The following FARP2 variants were observed in gnomAD, a reference collection of about 807,000 sequenced individuals.
FARP2 encodes the protein FERM, ARH/RhoGEF and pleckstrin domain protein 2.
FARP2 carries 111 observed loss-of-function variants against 130.5 expected under a neutral mutation model. That is an observed-to-expected ratio of 0.85 (90% CI 0.73 to 1.00). The LOEUF (loss-of-function observed/expected upper bound fraction) is 1.00. Among genes scored for constraint, FARP2 ranks in the 50% least tolerant of loss-of-function variants. The probability of loss-of-function intolerance (pLI) is 0.00; values close to 1 mark genes in which losing one functional copy is unlikely to be tolerated. For missense variants in FARP2, 1,385 were observed against 1,346.3 expected, an observed-to-expected ratio of 1.03 and a Z score of -0.45; for synonymous variants, 504 against 516.9, an observed-to-expected ratio of 0.98 and a Z score of 0.34.
At position 241,482,849 on chromosome 2, in the gene FARP2, C is replaced by G. The variant is rs968141506; in HGVS notation, c.2263-616C>G. ...AGGACTCTCGCTTACCCTATCTGCG[C>G]AGGTGTCTGATACTGGCAGGATTCT... On this transcript the variant is annotated intron_variant, in intron 19 of 26. Coordinates refer to ENST00000264042, the MANE Select transcript of FARP2 (RefSeq NM_014808.4). The surrounding 1 kb of genome is among the most constrained non-coding windows in gnomAD (Gnocchi z 4.6). Among the ~76,000 whole-genome samples, 4 of 152,164 alleles carry G rather than the reference C, an allele frequency of 2.6e-5. No homozygotes were observed. Among genetic ancestry groups the G allele is most frequent in the Non-Finnish European group, 4.4e-5 (3 of 68,028 alleles).
chr2:241,459,010 G>C lies in FARP2; in HGVS notation c.1587+2088G>C, dbSNP rs1178953682. Among the ~76,000 whole-genome samples the C allele has an allele frequency of 6.6e-6, 1 of 152,264 alleles. No individual in the cohort carries two copies. The highest frequency in any genetic ancestry group is 1.5e-5 in the Non-Finnish European group (1 of 68,046). The stretch of plus-strand genomic sequence containing the variant: ...CAGCCCCTGCGTGTGGGCACCCTCA[G>C]CCCTGACGTGGTGTCTCCTGTTGCC... On this transcript the variant is annotated intron_variant, in intron 14 of 26. Coordinates refer to ENST00000264042, the MANE Select transcript of FARP2 (RefSeq NM_014808.4). This position sits in a 1 kb window ranked among gnomAD's most constrained non-coding sequence, Gnocchi z 5.3.
At chr2:241,484,145 C>CTGATGTCCACA (rs2064695177) in intron 20 of FARP2, 97 bp from the exon 21 acceptor site, 1 of 1,571,442 alleles carries the variant, frequency 6.4e-7, no homozygotes, top group Admixed American at 1.8e-5. Flanking sequence ...CTGCACAGAT[C>CTGATGTCCACA]TGATGTCCAC....
Position 241,361,746 on chromosome 2 carries a change from G to T in FARP2, c.-25+5358G>T, listed in dbSNP as rs1399048790. Among the ~76,000 whole-genome samples, 5 of 152,212 alleles carry T rather than the reference G, an allele frequency of 3.3e-5. No homozygotes were observed. The South Asian group carries it at 8.3e-4, about 25-fold the overall frequency. On this transcript the variant is annotated intron_variant, in intron 1 of 26. Transcript: ENST00000264042. ...TGGCTTGATGCCAGATAACCCAGTAGGGGAATGTGAGGTGAAGGTGCTAAG... is the reference window on the plus strand; with the variant it reads ...TGGCTTGATGCCAGATAACCCAGTATGGGAATGTGAGGTGAAGGTGCTAAG...
chr2:241,425,037 C>T (rs2062897285), intron 8 of FARP2, among the ~76,000 whole-genome samples: 2 of 152,220 alleles, frequency 1.3e-5, no homozygotes, highest in African/African-American at 4.8e-5. Flanking sequence ...TGGTAAAACC[C>T]TGTCTCTACT....
intron 2 of FARP2, among the ~76,000 whole-genome samples, chr2:241,380,548 A>G (rs1300505262): frequency 6.6e-6 from 1 of 152,072 alleles, no homozygotes; most frequent in African/African-American, 2.4e-5. Context: ...TATTTGCATT[A>G]TGCTTATTAG....
rs1487341720 is a variant in FARP2, at chr2:241,420,028, G to A, written c.771+1919G>A. Among the ~76,000 whole-genome samples the A allele has an allele frequency of 3.3e-5, 5 of 152,258 alleles. No homozygotes were observed. In the East Asian group the frequency reaches 9.6e-4, roughly 29 times the overall value. On this transcript the variant is annotated intron_variant, in intron 8 of 26. Transcript: ENST00000264042. Reference sequence around the variant, plus strand: ...TCATTGGGTGTAGTGGCATGTACCTGTAGTCCCAGCTACTCAGGAGGCTGA... The same window carrying A: ...TCATTGGGTGTAGTGGCATGTACCTATAGTCCCAGCTACTCAGGAGGCTGA...
chr2:241,391,171 T>C (rs2061895703), intron 2 of FARP2, among the ~76,000 whole-genome samples: 1 of 152,218 alleles, frequency 6.6e-6, no homozygotes, highest in Non-Finnish European at 1.5e-5. Context: ...TTGAGAGATC[T>C]TACTGCTGAA....
chr2:241,458,162 C>T (rs2063914067), intron 14 of FARP2, among the ~76,000 whole-genome samples: 1 of 152,010 alleles, frequency 6.6e-6, no homozygotes, highest in Non-Finnish European at 1.5e-5. Flanking sequence ...CAGATGGACC[C>T]TAAAAGAAAA....
In FARP2 at chr2:241,428,217, A is replaced by T. The variant is rs188740246; in HGVS notation, c.772-3462A>T. On this transcript the variant is annotated intron_variant, in intron 8 of 26. Transcript: ENST00000264042. ...CAGAAATTTTGAGAATGTAGTTGAA[A>T]ATCCTCCAATATTTTACTTTTTTTT... is the stretch of plus-strand genomic sequence containing the variant. Among the ~76,000 whole-genome samples, 74 of 149,506 alleles carry T rather than the reference A, an allele frequency of 4.9e-4. 1 individual carries two copies. In the East Asian group the frequency reaches 0.014, roughly 28 times the overall value.
intron 2 of FARP2, among the ~76,000 whole-genome samples, chr2:241,392,322 G>C (rs959567696): frequency 2.0e-5 from 3 of 152,214 alleles, no homozygotes; most frequent in African/African-American, 7.2e-5. Flanking sequence ...TAAAAGGAAT[G>C]TCTACAGGGT....
intron 2 of FARP2, chr2:241,396,023 A>C (rs181122743): frequency 6.6e-5 from 10 of 152,292 alleles, no homozygotes; most frequent in African/African-American, 2.4e-4. Flanking sequence ...AAAAAATTAA[A>C]CTAGAGTGAT....
chr2:241,373,078 T>G lies in FARP2; in HGVS notation c.-24-6T>G. 2 of 1,126,664 alleles carry G rather than the reference T, an allele frequency of 1.8e-6. No homozygotes were observed. Among genetic ancestry groups the G allele is most frequent in the Non-Finnish European group, 2.4e-6 (2 of 843,580 alleles). 69.8% of individuals were successfully genotyped at this position (1,126,664 alleles called of 1,614,324 possible). ...CTTCATGTGGTTTTTTTTTTTTTCA[T>G]TTTAGTGTTTTCTTCACTCATGGTG... On this transcript the variant is annotated splice_polypyrimidine_tract_variant and splice_region_variant and intron_variant, in intron 1 of 26. Coordinates refer to ENST00000264042, the MANE Select transcript of FARP2 (RefSeq NM_014808.4).
rs181953328 is a variant in FARP2 at position 241,387,575 on chromosome 2, C to T, written c.183+14285C>T. Among the ~76,000 whole-genome samples the T allele has an allele frequency of 1.4e-4, 21 of 152,074 alleles. 2 individuals carry two copies. The highest frequency in any genetic ancestry group is 3.9e-4 in the Admixed American group (6 of 15,264). ...TTGGGAGGCTGAGGTGGGCTGATCA[C>T]GAGGTCAGGAGATCGAGACCATCCT... On this transcript the variant is annotated intron_variant, in intron 2 of 26. Transcript: ENST00000264042.
At chr2:241,472,180 T>G (rs1299010600) in intron 18 of FARP2, among the ~76,000 whole-genome samples, 2 of 150,118 alleles carry the variant, frequency 1.3e-5, no homozygotes, top group Admixed American at 6.6e-5. Context: ...GGGATCCTGT[T>G]CTGAGGGGGA....
intron 2 of FARP2, among the ~76,000 whole-genome samples, chr2:241,394,285 G>A (rs1057157480): frequency 2.0e-5 from 3 of 152,144 alleles, no homozygotes; most frequent in Non-Finnish European, 4.4e-5. Context: ...TTGGGAGGCC[G>A]AGGCAGGCTG....
intron 1 of FARP2, among the ~76,000 whole-genome samples, chr2:241,364,478 G>A (rs1468918999): frequency 2.0e-5 from 3 of 152,220 alleles, no homozygotes; most frequent in Admixed American, 6.5e-5. Flanking sequence ...GACACTGTGA[G>A]ATAATAAAAG....
In FARP2 at chr2:241,475,988, G is replaced by T. The variant is rs757407843; in HGVS notation, c.2262+1G>T. The T allele has an allele frequency of 6.2e-7, 1 of 1,608,576 alleles. No individual in the cohort carries two copies. The highest frequency in any genetic ancestry group is 8.5e-7 in the Non-Finnish European group (1 of 1,177,970). On this transcript the variant is annotated splice_donor_variant, in intron 19 of 26. Transcript: ENST00000264042. LOFTEE classifies it high-confidence loss of function. This position sits in a 1 kb window ranked among gnomAD's most constrained non-coding sequence, Gnocchi z 4.4. ...AGAGAACCTCATTGCTCCTGGCAGG[G>T]TGAGTGACCTTGCTCTGGGAATGTT...
At chr2:241,457,036 A>C (rs373685129) in intron 14 of FARP2, 114 bp downstream of exon 14, 2 of 940,916 alleles carry the variant, frequency 2.1e-6, no homozygotes, top group South Asian at 3.8e-5. Context: ...AGGGCTCTGC[A>C]CTCACAGCCG....
intron 7 of FARP2, among the ~76,000 whole-genome samples, chr2:241,417,495 G>A (rs1024683157): frequency 1.3e-5 from 2 of 152,078 alleles, no homozygotes; most frequent in Non-Finnish European, 2.9e-5. Context: ...GCTAATTTTT[G>A]TATTTTTAGC....
Sources: allele counts gnomAD v4.1 joint callset (sites outside exome capture counted in the v4.1 genomes callset), GRCh38; gene constraint gnomAD v4.1.1; non-coding constraint Gnocchi (gnomAD v3.1); transcripts MANE v1.5; gene names NCBI Gene and HGNC (gene_info 2026-07-23, HGNC 2026-07-21).